The following OSBP2 variants were observed in gnomAD, a reference collection of about 807,000 sequenced individuals.
OSBP2 encodes oxysterol-binding protein 2.
In OSBP2, 66 loss-of-function variants were observed where a neutral mutation model predicts 96.0. The ratio of observed to expected loss-of-function variants is 0.69; its 90% CI spans 0.56 to 0.84. OSBP2 has a LOEUF of 0.84. OSBP2 is among the 40% of genes least tolerant of loss of function. The pLI, the probability that OSBP2 is intolerant of heterozygous loss-of-function variation, is 0.00. For missense variants in OSBP2, 1,038 were observed against 1,222.7 expected, an observed-to-expected ratio of 0.85 and a Z score of 2.25; for synonymous variants, 525 against 520.9, an observed-to-expected ratio of 1.01 and a Z score of -0.11.
intron 4 of OSBP2, 114 bp downstream of exon 4, chr22:30,887,732 C>G (rs5753373): frequency 0.3 from 265,228 of 892,706 alleles, 41,075 homozygotes; most frequent in East Asian, 0.51. Context: ...TGTGGGCTGG[C>G]CTTGGCCAAC....
At position 30,871,801 on chromosome 22, in the gene OSBP2, A is replaced by C. The variant is rs1027178868; in HGVS notation, c.1107+1119A>C. Among the ~76,000 whole-genome samples the C allele has an allele frequency of 6.6e-6, 1 of 152,238 alleles. No individual in the cohort carries two copies. The highest frequency in any genetic ancestry group is 2.4e-5 in the African/African-American group (1 of 41,474). On this transcript the variant is annotated intron_variant, in intron 3 of 13. Transcript: ENST00000332585. The surrounding 1 kb of genome is among the most constrained non-coding windows in gnomAD (Gnocchi z 4.7). ...CACCGCAGGCCAAGAGCCCAGGCTA[A>C]AACCTGGGCATCCAAGACCTGCCCC...
At chr22:30,782,858 A>G (rs1569121544) in intron 2 of OSBP2, among the ~76,000 whole-genome samples, 1 of 152,190 alleles carries the variant, frequency 6.6e-6, no homozygotes. Flanking sequence ...GAAAGTGATT[A>G]CACCATTTGA....
chr22:30,749,675 T>A (rs994934746), intron 2 of OSBP2, among the ~76,000 whole-genome samples: 1 of 152,128 alleles, frequency 6.6e-6, no homozygotes, highest in African/African-American at 2.4e-5. Context: ...TGGCGCAATC[T>A]TGGCTTACTG....
At chr22:30,701,878 T>C (rs2089168520) in intron 1 of OSBP2, among the ~76,000 whole-genome samples, 1 of 152,214 alleles carries the variant, frequency 6.6e-6, no homozygotes, top group South Asian at 2.1e-4. Context: ...AGGTTGATCA[T>C]GTGTAAGCAT....
In OSBP2 at chr22:30,906,460, TCCTA is replaced by T; in HGVS notation, c.*122_*125del. The T allele has an allele frequency of 1.6e-6, 2 of 1,256,136 alleles. No individual in the cohort carries two copies. The highest frequency in any genetic ancestry group is 2.1e-6 in the Non-Finnish European group (2 of 948,400). The allele number at this position is 1,256,136 out of a possible 1,614,324, so 77.8% of individuals were successfully genotyped here. On this transcript the variant is annotated 3_prime_UTR_variant, in exon 14 of 14. Transcript: ENST00000332585. ...CATTCCCAGCCCTTCCTATTTCCTT[TCCTA>T]TTTTTTTTTTCTCCCCACACTTTCT...
chr22:30,771,320 G>A (rs2090344910), intron 2 of OSBP2, among the ~76,000 whole-genome samples: 1 of 152,226 alleles, frequency 6.6e-6, no homozygotes, highest in Non-Finnish European at 1.5e-5. Flanking sequence ...TTGTGGAAGA[G>A]AAACTTTGGA....
chr22:30,852,711 G>A (rs2038999158), intron 2 of OSBP2, among the ~76,000 whole-genome samples: 1 of 152,026 alleles, frequency 6.6e-6, no homozygotes, highest in South Asian at 2.1e-4. Context: ...GCTTCTTAAT[G>A]TAGAGGCTTG....
chr22:30,889,665 C>G, intron 7 of OSBP2, 29 bp downstream of exon 7: 1 of 1,610,836 alleles, frequency 6.2e-7, no homozygotes, highest in Non-Finnish European at 8.5e-7. Flanking sequence ...GCAGCCCCGA[C>G]AGGTCCTCTG....
intron 1 of OSBP2, among the ~76,000 whole-genome samples, chr22:30,739,386 G>T (rs2089902889): frequency 6.6e-6 from 1 of 152,238 alleles, no homozygotes; most frequent in Non-Finnish European, 1.5e-5. Context: ...CCTCCCAGCA[G>T]GAGATGCCTC....
rs1045911167 is a variant in OSBP2 at position 30,889,526 on chromosome 22, T to G, written c.1513T>G (p.Ser505Ala). ...DGASLVPKGS[S>A]KVKRRVRIPN... is the part of the protein sequence containing the mutation. ...TGCCTCGCTCGTGCCCAAGGGTTCA[T>G]CCAAAGTCAAGAGGCGAGTCCGCAT... is the stretch of plus-strand genomic sequence containing the variant. The change falls in exon 7 of 14, where the codon TCC becomes GCC. Residue 505 changes from serine to alanine, a missense_variant. By Grantham distance (99) the Ser-to-Ala change is moderately conservative (BLOSUM62 1). Around this residue, in one of 3 missense-constraint regions of OSBP2, gnomAD observed 737 missense variants for 913.3 expected, o/e 0.81. Coordinates refer to ENST00000332585, the MANE Select transcript of OSBP2 (RefSeq NM_030758.4). The G allele has an allele frequency of 1.1e-5, 18 of 1,614,058 alleles. No homozygotes were observed. Among genetic ancestry groups the G allele is most frequent in the Middle Eastern group, 3.3e-4 (2 of 6,062 alleles).
At chr22:30,879,754 G>A (rs749269532) in intron 3 of OSBP2, among the ~76,000 whole-genome samples, 7 of 152,202 alleles carry the variant, frequency 4.6e-5, no homozygotes, top group Non-Finnish European at 8.8e-5. Flanking sequence ...GTTTCATCTT[G>A]TGTAAAGTGA....
intron 12 of OSBP2, among the ~76,000 whole-genome samples, chr22:30,895,262 A>C (rs2040038017): frequency 6.6e-6 from 1 of 152,194 alleles, no homozygotes; most frequent in Non-Finnish European, 1.5e-5. Flanking sequence ...AGGAAAGAAG[A>C]AGAAGAAGAA....
intron 2 of OSBP2, among the ~76,000 whole-genome samples, chr22:30,772,161 C>T (rs959131879): frequency 6.6e-6 from 1 of 152,188 alleles, no homozygotes; most frequent in Non-Finnish European, 1.5e-5. Flanking sequence ...GCACTGCCCT[C>T]TGGAGAGCCT....
chr22:30,822,517 A>C lies in OSBP2; in HGVS notation c.854-47912A>C, dbSNP rs536538299. Reference sequence around the variant, plus strand: ...TGGTAACGCGGCGCCGGGACCCACGAGTGTCCGCCGCCTCCGCCGGGCGGC... The same window carrying C: ...TGGTAACGCGGCGCCGGGACCCACGCGTGTCCGCCGCCTCCGCCGGGCGGC... On this transcript the variant is annotated intron_variant, in intron 2 of 13. Coordinates refer to ENST00000332585, the MANE Select transcript of OSBP2 (RefSeq NM_030758.4). The C allele has an allele frequency of 1.7e-5, 23 of 1,373,432 alleles. No homozygotes were observed. In the Admixed American group the frequency reaches 4.1e-4, roughly 25 times the overall value. The allele number at this position is 1,373,432 out of a possible 1,614,324, so 85.1% of individuals were successfully genotyped here.
rs567123014 is a variant in OSBP2 at position 30,783,065 on chromosome 22, C to CTTTTTT, written c.853+41712_853+41717dup. 5.8e-5 allele frequency among the ~76,000 whole-genome samples: 6 copies of CTTTTTT among 104,124 alleles called. 1 individual carries two copies. The highest frequency in any genetic ancestry group is 1.1e-4 in the Admixed American group (1 of 9,246). The allele number at this position is 104,124 out of a possible 152,430, so 68.3% of individuals were successfully genotyped here. On this transcript the variant is annotated intron_variant, in intron 2 of 13. Coordinates refer to ENST00000332585, the MANE Select transcript of OSBP2 (RefSeq NM_030758.4). ...GCTTCAAAGAGTAGGGAACCTGTGGCTTTTTTTTTTTTTTTTTTTTTCTGG... is the reference window on the plus strand; with the variant it reads ...GCTTCAAAGAGTAGGGAACCTGTGGCTTTTTTTTTTTTTTTTTTTTTTTTTTTCTGG...
At chr22:30,893,431 G>A (rs760597258) in intron 9 of OSBP2, 32 bp from the exon 10 acceptor site, 6 of 1,584,690 alleles carry the variant, frequency 3.8e-6, no homozygotes, top group Non-Finnish European at 5.2e-6. Flanking sequence ...TGCATGGGGG[G>A]GCATGACCTC....
chr22:30,729,931 G>A (rs1184658992), intron 1 of OSBP2, among the ~76,000 whole-genome samples: 3 of 152,054 alleles, frequency 2.0e-5, no homozygotes. Context: ...CCAGAAGTGT[G>A]AGATAATAAA....
In OSBP2 at chr22:30,893,105, T is replaced by A. The variant is rs76230164; in HGVS notation, c.1870-17T>A. The A allele has an allele frequency of 8.2e-4, 1,325 of 1,613,314 alleles. 5 individuals carry two copies. In the African/African-American group the frequency reaches 0.013, roughly 16 times the overall value. Reference sequence around the variant, plus strand: ...TCATGTCTGGCAGATGCTCACATCCTATGGGTCTGGTCTCAGGTGAGCCAC... The same window carrying A: ...TCATGTCTGGCAGATGCTCACATCCAATGGGTCTGGTCTCAGGTGAGCCAC... On this transcript the variant is annotated splice_polypyrimidine_tract_variant and intron_variant, in intron 8 of 13. Transcript: ENST00000332585.
At chr22:30,752,333 C>G (rs2145757589) in intron 2 of OSBP2, among the ~76,000 whole-genome samples, 1 of 107,542 alleles carries the variant, frequency 9.3e-6, no homozygotes, top group South Asian at 3.4e-4. Flanking sequence ...GAGTCTCACT[C>G]TGTCGCCCAG....
Sources: gnomAD v4.1 joint callset for allele counts (sites outside exome capture counted in the v4.1 genomes callset) on GRCh38, gnomAD v4.1.1 for gene constraint, gnomAD v4.1.1 regional missense constraint, Gnocchi (gnomAD v3.1) non-coding constraint, MANE v1.5 for transcripts, NCBI Gene and HGNC (gene_info 2026-07-23, HGNC 2026-07-21) for gene names.